GRIN2B: variants seen among roughly 807,000 people sequenced by gnomAD.
The protein encoded by GRIN2B is glutamate ionotropic receptor NMDA type subunit 2B, also known as glutamate receptor ionotropic, NMDA 2B.
A neutral mutation model predicts 114.5 loss-of-function variants in GRIN2B; 5 were observed. The ratio of observed to expected loss-of-function variants is 0.04; its 90% confidence interval spans 0.02 to 0.09. The LOEUF is 0.09. Among genes scored for constraint, GRIN2B ranks in the 10% least tolerant of loss-of-function variants. GRIN2B has a pLI of 1.00. For synonymous variants in GRIN2B, 787 were observed against 745.1 expected (o/e 1.06, Z -0.92); for missense variants, 1,108 against 1,943.5 (o/e 0.57, Z 8.08).
At chr12:13,601,438 T>C (rs1949158902) in intron 10 of GRIN2B, among the ~76,000 whole-genome samples, 1 of 152,196 alleles carries the variant, frequency 6.6e-6, no homozygotes. Context: ...ATAAGAACAA[T>C]TGTCTTTGGA....
intron 12 of GRIN2B, among the ~76,000 whole-genome samples, chr12:13,568,266 C>T (rs774135322): frequency 2.0e-5 from 3 of 152,140 alleles, no homozygotes; most frequent in Admixed American, 1.3e-4. Context: ...ACCATGTGCC[C>T]TAGAATGCAT....
chr12:13,571,502 T>C (rs1948708085), intron 11 of GRIN2B, among the ~76,000 whole-genome samples: 1 of 152,106 alleles, frequency 6.6e-6, no homozygotes, highest in African/African-American at 2.4e-5. Flanking sequence ...ACGGCACAAA[T>C]ACCTTATCCT....
intron 2 of GRIN2B, among the ~76,000 whole-genome samples, chr12:13,890,909 G>T (rs1269457589): frequency 6.6e-6 from 1 of 152,126 alleles, no homozygotes; most frequent in African/African-American, 2.4e-5. Flanking sequence ...GCAAAGTCCA[G>T]TGGGCCCGGA....
intron 4 of GRIN2B, among the ~76,000 whole-genome samples, chr12:13,700,840 T>C (rs1316608549): frequency 1.3e-5 from 2 of 152,216 alleles, no homozygotes; most frequent in African/African-American, 4.8e-5. Flanking sequence ...AAATCCACAA[T>C]GGAAACTGTG....
chr12:13,964,006 T>A (rs1316476563), intron 2 of GRIN2B, among the ~76,000 whole-genome samples: 1 of 152,090 alleles, frequency 6.6e-6, no homozygotes, highest in African/African-American at 2.4e-5. Flanking sequence ...CACCCTGGGG[T>A]CCTGATGGAG....
At chr12:13,572,554 A>C (rs1306348997) in intron 10 of GRIN2B, among the ~76,000 whole-genome samples, 1 of 152,170 alleles carries the variant, frequency 6.6e-6, no homozygotes, top group Non-Finnish European at 1.5e-5. Context: ...TGTACAATCA[A>C]AGACAATTTT....
chr12:13,926,344 G>A (rs889353123), intron 2 of GRIN2B, among the ~76,000 whole-genome samples: 9 of 151,990 alleles, frequency 5.9e-5, no homozygotes, highest in Non-Finnish European at 1.3e-4. Flanking sequence ...TGAATCTCGG[G>A]GCTATCGACC....
At chr12:13,857,446 C>T (rs1415350285) in intron 3 of GRIN2B, among the ~76,000 whole-genome samples, 3 of 152,144 alleles carry the variant, frequency 2.0e-5, no homozygotes, top group Admixed American at 6.6e-5. Flanking sequence ...CACCCTCATA[C>T]ATTCCCAAAC....
intron 2 of GRIN2B, among the ~76,000 whole-genome samples, chr12:13,954,813 A>AAAAAAAAAAAAAAAAAAC (rs1867557266): frequency 6.9e-6 from 1 of 145,138 alleles, no homozygotes; most frequent in African/African-American, 2.5e-5. Flanking sequence ...CGTCTCAGGA[A>AAAAAAAAAAAAAAAAAAC]AAAAAAAAAA....
intron 2 of GRIN2B, among the ~76,000 whole-genome samples, chr12:13,892,070 G>A (rs780497326): frequency 9.9e-5 from 15 of 152,102 alleles, no homozygotes; most frequent in Non-Finnish European, 2.2e-4. Flanking sequence ...AATCATACTT[G>A]CCCAGGATTC....
chr12:13,646,768 A>G (rs1949764876), intron 5 of GRIN2B, among the ~76,000 whole-genome samples: 1 of 152,004 alleles, frequency 6.6e-6, no homozygotes, highest in Non-Finnish European at 1.5e-5. Context: ...GGCTCAGACT[A>G]TCCTCCTGCC....
chr12:13,558,523 T>C lies in GRIN2B; in HGVS notation c.*4260A>G, dbSNP rs1226164370. The C allele has an allele frequency of 6.6e-6, 1 of 151,490 alleles. No individual in the cohort carries two copies. The allele number at this position is 151,490 out of a possible 1,614,324, so 9.4% of individuals were successfully genotyped here. On this transcript the variant is annotated 3_prime_UTR_variant, in exon 14 of 14. Transcript: ENST00000609686. ...AAGAAACCTAGTTCTTAGTGACATG[T>C]GCAGGTGACCAGCACTCTGCAGAGA... is the stretch of plus-strand genomic sequence containing the variant.
Position 13,675,756 on chromosome 12 carries a change from T to C in GRIN2B, c.1114A>G (p.Lys372Glu). 1 of 1,597,778 alleles carries C rather than the reference T, an allele frequency of 6.3e-7. No individual in the cohort carries two copies. Among genetic ancestry groups the C allele is most frequent in the Non-Finnish European group, 8.6e-7 (1 of 1,165,270 alleles). Reference sequence around the variant, plus strand: ...AAGACATGTCTTACCCTTTCCCACTTCCTCTCCTTGTTCAGAAGAATTATC... The same window carrying C: ...AAGACATGTCTTACCCTTTCCCACTCCCTCTCCTTGTTCAGAAGAATTATC... ...LVIILLNKER[K>E]WERVGKWKDK... Residue 372 changes from lysine to glutamate, a missense_variant, in exon 5 of 14, where the codon AAG becomes GAG. Coordinates refer to ENST00000609686, the MANE Select transcript of GRIN2B (RefSeq NM_000834.5).
intron 12 of GRIN2B, among the ~76,000 whole-genome samples, chr12:13,567,691 G>A (rs1185562484): frequency 6.6e-6 from 1 of 152,092 alleles, no homozygotes; most frequent in African/African-American, 2.4e-5. Context: ...ATGCTGGATG[G>A]ATGAATTTTA....
At chr12:13,713,696 C>T (rs549462875) in intron 4 of GRIN2B, among the ~76,000 whole-genome samples, 5 of 151,826 alleles carry the variant, frequency 3.3e-5, no homozygotes, top group Non-Finnish European at 5.9e-5. Flanking sequence ...TTCTTGCTAT[C>T]AGGGTCACTA....
intron 3 of GRIN2B, among the ~76,000 whole-genome samples, chr12:13,814,325 T>C (rs1322395750): frequency 6.6e-6 from 1 of 152,236 alleles, no homozygotes; most frequent in African/African-American, 2.4e-5. Flanking sequence ...CATGCTATGT[T>C]TAGCCATTAG....
chr12:13,794,233 A>G (rs1864375654), intron 3 of GRIN2B, among the ~76,000 whole-genome samples: 1 of 151,404 alleles, frequency 6.6e-6, no homozygotes, highest in Non-Finnish European at 1.5e-5. Context: ...AGAAAAAGAA[A>G]AGAAAAAAAG....
chr12:13,692,760 CT>C (rs71067718), intron 4 of GRIN2B, among the ~76,000 whole-genome samples: 67 of 52,114 alleles, frequency 1.3e-3, no homozygotes, highest in African/African-American at 5.1e-3. Context: ...TCTTTCTTTT[CT>C]TTTTTTTTTT....
chr12:13,634,757 TG>T (rs1331626048), intron 5 of GRIN2B, among the ~76,000 whole-genome samples: 1 of 152,170 alleles, frequency 6.6e-6, no homozygotes, highest in Non-Finnish European at 1.5e-5. Flanking sequence ...TGTGTGAGGC[TG>T]GGGGACAGTT....
Sources: gnomAD v4.1 joint callset for allele counts (sites outside exome capture counted in the v4.1 genomes callset) on GRCh38, gnomAD v4.1.1 for gene constraint, MANE v1.5 for transcripts, NCBI Gene and HGNC (gene_info 2026-07-23, HGNC 2026-07-21) for gene names.